KCNIP4: variants seen among roughly 807,000 people sequenced by gnomAD.
KCNIP4 encodes the protein Kv channel-interacting protein 4.
KCNIP4 carries 12 observed loss-of-function variants against 34.0 expected under a neutral mutation model. The observed-to-expected ratio is 0.35, with a 90% CI of 0.23 to 0.57. The LOEUF is 0.57. KCNIP4 is among the 20% of genes least tolerant of loss of function. KCNIP4 has a pLI of 0.83. For missense variants in KCNIP4, 238 were observed against 311.7 expected (o/e 0.76, Z 1.78); for synonymous variants, 124 against 102.2 (o/e 1.21, Z -1.29).
At position 21,284,365 on chromosome 4, in the gene KCNIP4, A is replaced by G. The variant is rs16870713; in HGVS notation, c.62-401656T>C. On this transcript the variant is annotated intron_variant, in intron 1 of 8. Coordinates refer to ENST00000382152, the MANE Select transcript of KCNIP4 (RefSeq NM_025221.6). ...AAGCAAGAGCAGCCGCCTTTACTGAACACTTACTTTGAACTGGCCAAGCTG... is the reference window on the plus strand; with the variant it reads ...AAGCAAGAGCAGCCGCCTTTACTGAGCACTTACTTTGAACTGGCCAAGCTG... Among the ~76,000 whole-genome samples, 1,033 of 152,356 alleles carry G rather than the reference A, an allele frequency of 6.8e-3. 45 individuals carry two copies. In the East Asian group the frequency reaches 0.14, roughly 20 times the overall value.
intron 1 of KCNIP4, chr4:21,697,534 G>A: frequency 1.4e-6 from 2 of 1,452,988 alleles, no homozygotes; most frequent in Non-Finnish European, 1.8e-6. Context: ...AGAAACTTCT[G>A]TCTCAGTTTA....
intron 4 of KCNIP4, among the ~76,000 whole-genome samples, chr4:20,758,213 T>A (rs1283029379): frequency 6.6e-6 from 1 of 152,216 alleles, no homozygotes; most frequent in African/African-American, 2.4e-5. Context: ...ATGCATGTAT[T>A]ATCATTACGC....
intron 1 of KCNIP4, among the ~76,000 whole-genome samples, chr4:21,762,689 C>T (rs1229971226): frequency 6.6e-6 from 1 of 152,130 alleles, no homozygotes; most frequent in Non-Finnish European, 1.5e-5. Flanking sequence ...ACCATCATAA[C>T]CAAAGATGGC....
intron 1 of KCNIP4, among the ~76,000 whole-genome samples, chr4:21,111,208 G>A (rs1021437760): frequency 6.6e-5 from 10 of 152,054 alleles, no homozygotes; most frequent in Admixed American, 4.6e-4. Context: ...TTCAACAGTC[G>A]CCAAGGAAGA....
chr4:21,915,810 CT>C (rs1191617676), intron 1 of KCNIP4, among the ~76,000 whole-genome samples: 2 of 152,148 alleles, frequency 1.3e-5, no homozygotes, highest in Admixed American at 1.3e-4. Context: ...ATGTCATGTT[CT>C]TTTTTATTTT....
At chr4:21,381,306 C>G (rs1721481828) in intron 1 of KCNIP4, among the ~76,000 whole-genome samples, 1 of 152,146 alleles carries the variant, frequency 6.6e-6, no homozygotes, top group Non-Finnish European at 1.5e-5. Context: ...CCAGGAGGAA[C>G]AGGACACAAT....
chr4:21,234,185 G>GTATATTATATATAACA lies in KCNIP4; in HGVS notation c.62-351492_62-351477dup, dbSNP rs1553841456. Among the ~76,000 whole-genome samples the GTATATTATATATAACA allele has an allele frequency of 8.8e-3, 302 of 34,308 alleles. 35 individuals are homozygous for GTATATTATATATAACA. The highest frequency in any genetic ancestry group is 0.012 in the South Asian group (9 of 742). The allele number at this position is 34,308 out of a possible 152,430, so 22.5% of individuals were successfully genotyped here. A position where few individuals can be genotyped will look rare whatever the true frequency, so the allele number is the denominator to read the frequency against. ...GTATATTATATATAACATATATAAC[G>GTATATTATATATAACA]TATATTATATATAACATATATAACG... On this transcript the variant is annotated intron_variant, in intron 1 of 8. Coordinates refer to ENST00000382152, the MANE Select transcript of KCNIP4 (RefSeq NM_025221.6).
At chr4:21,063,406 TCA>T (rs1280085249) in intron 1 of KCNIP4, among the ~76,000 whole-genome samples, 1 of 152,158 alleles carries the variant, frequency 6.6e-6, no homozygotes, top group African/African-American at 2.4e-5. Context: ...TGTCAGTCCT[TCA>T]CAGTTTCTTT....
chr4:21,108,417 C>A (rs1424865131), intron 1 of KCNIP4, among the ~76,000 whole-genome samples: 1 of 151,656 alleles, frequency 6.6e-6, no homozygotes, highest in Non-Finnish European at 1.5e-5. Context: ...GCATTCTTCA[C>A]GTAGTTCTCG....
At chr4:20,736,257 C>G (rs1749603824) in intron 5 of KCNIP4, among the ~76,000 whole-genome samples, 1 of 152,108 alleles carries the variant, frequency 6.6e-6, no homozygotes, top group Admixed American at 6.5e-5. Context: ...TCCACTTAAG[C>G]ATAAATCAGG....
intron 1 of KCNIP4, among the ~76,000 whole-genome samples, chr4:21,468,211 CAT>C (rs958738838): frequency 6.6e-6 from 1 of 151,008 alleles, no homozygotes; most frequent in African/African-American, 2.4e-5. Flanking sequence ...AGAATGATCA[CAT>C]AGTTACTAAA....
At chr4:21,014,157 T>C (rs1188619151) in intron 1 of KCNIP4, among the ~76,000 whole-genome samples, 1 of 152,222 alleles carries the variant, frequency 6.6e-6, no homozygotes, top group Non-Finnish European at 1.5e-5. Flanking sequence ...TTCTACCTTC[T>C]AGGTCTGACT....
At chr4:21,326,878 T>C (rs1715129144) in intron 1 of KCNIP4, among the ~76,000 whole-genome samples, 1 of 152,070 alleles carries the variant, frequency 6.6e-6, no homozygotes, top group Non-Finnish European at 1.5e-5. Context: ...TATTTTAAAC[T>C]GTTGTTAACA....
intron 1 of KCNIP4, among the ~76,000 whole-genome samples, chr4:20,993,602 A>G (rs538269089): frequency 6.6e-6 from 1 of 152,320 alleles, no homozygotes; most frequent in African/African-American, 2.4e-5. Context: ...ACTGGAAACA[A>G]AATCATTCTT....
At chr4:21,824,641 G>A (rs938260905) in intron 1 of KCNIP4, among the ~76,000 whole-genome samples, 5 of 152,100 alleles carry the variant, frequency 3.3e-5, no homozygotes, top group African/African-American at 1.2e-4. Flanking sequence ...AAAAACCCCA[G>A]TCTCTGAATG....
In KCNIP4 at chr4:21,665,075, C is replaced by T. The variant is rs182199941; in HGVS notation, c.61+283496G>A. Among the ~76,000 whole-genome samples, 156 of 152,228 alleles carry T rather than the reference C, an allele frequency of 1.0e-3. 1 individual carries two copies. The highest frequency in any genetic ancestry group is 2.9e-3 in the African/African-American group (121 of 41,536). On this transcript the variant is annotated intron_variant, in intron 1 of 8. Coordinates refer to ENST00000382152, the MANE Select transcript of KCNIP4 (RefSeq NM_025221.6). ...TTGGTGAAGATTAAATAAAATAGGA[C>T]GTGAGGACCAGCACAATGTCTGACA... is the stretch of plus-strand genomic sequence containing the variant.
rs540271226 is a variant in KCNIP4, at chr4:21,861,372, A to T, written c.61+87199T>A. ...CACTCTGCATCCAATCTATTAGGAA[A>T]TTTCTTCAGCTCAAGCTTTAAAAAT... On this transcript the variant is annotated intron_variant, in intron 1 of 8. Coordinates refer to ENST00000382152, the MANE Select transcript of KCNIP4 (RefSeq NM_025221.6). Among the ~76,000 whole-genome samples the T allele has an allele frequency of 2.4e-4, 37 of 152,302 alleles. No individual in the cohort carries two copies. In the East Asian group the frequency reaches 6.9e-3, roughly 29 times the overall value.
intron 3 of KCNIP4, among the ~76,000 whole-genome samples, chr4:20,781,388 G>T (rs73802324): frequency 0.015 from 2,352 of 152,218 alleles, 65 homozygotes; most frequent in African/African-American, 0.054. Context: ...ATTATATGAT[G>T]AATTTCTTTG....
intron 1 of KCNIP4, among the ~76,000 whole-genome samples, chr4:21,432,006 A>G (rs1343824719): frequency 1.4e-5 from 2 of 147,342 alleles, no homozygotes; most frequent in African/African-American, 2.5e-5. Context: ...TAAATGCCCT[A>G]TACCTGCCCT....
Sources: allele counts gnomAD v4.1 joint callset (sites outside exome capture counted in the v4.1 genomes callset), GRCh38; gene constraint gnomAD v4.1.1; transcripts MANE v1.5; gene names NCBI Gene and HGNC (gene_info 2026-07-23, HGNC 2026-07-21).